The following ST18 variants were observed in gnomAD, a reference collection of about 807,000 sequenced individuals.
The protein encoded by ST18 is ST18 C2H2C-type zinc finger transcription factor.
In ST18, 50 loss-of-function variants were observed where a neutral mutation model predicts 110.0. The ratio of observed to expected loss-of-function variants is 0.45; its 90% CI spans 0.36 to 0.58. The LOEUF (loss-of-function observed/expected upper bound fraction) is 0.58. Among genes scored for constraint, ST18 ranks in the 20% least tolerant of loss-of-function variants. ST18 has a pLI of 0.00. For missense variants in ST18, 1,306 were observed against 1,280.1 expected (o/e 1.02, Z -0.31); for synonymous variants, 461 against 452.4 (o/e 1.02, Z -0.24).
intron 2 of ST18, among the ~76,000 whole-genome samples, chr8:52,399,538 AT>A (rs1842237577): frequency 7.3e-6 from 1 of 137,202 alleles, no homozygotes; most frequent in South Asian, 2.3e-4. Flanking sequence ...TTTATTTGGG[AT>A]CTTTCTTCTT....
Position 52,171,901 on chromosome 8 carries a change from G to T in ST18, c.960C>A (p.Phe320Leu). Residue 320 changes from phenylalanine to leucine, a missense_variant, in exon 10 of 26, where the codon TTC (phenylalanine) becomes TTA (leucine). Physicochemically the swap from Phe to Leu is conservative, Grantham distance 22. Transcript: ENST00000689386. ...TATCCAGCTCTTTGTAGGTGTTATG[G>T]AAAACACAACCTCGCTCAGCCTGCA... Reference protein sequence around the residue: ...IALQAERGCVFHNTYKELDRF... With the variant: ...IALQAERGCVLHNTYKELDRF... 6.2e-7 allele frequency: 1 copy of T among 1,614,168 alleles called. No individual in the cohort carries two copies. The highest frequency in any genetic ancestry group is 8.5e-7 in the Non-Finnish European group (1 of 1,180,034).
chr8:52,368,941 AC>A (rs973654908), intron 2 of ST18, among the ~76,000 whole-genome samples: 1 of 152,126 alleles, frequency 6.6e-6, no homozygotes, highest in African/African-American at 2.4e-5. Flanking sequence ...TCCTCCTCTT[AC>A]ATCCTGTTCC....
intron 9 of ST18, among the ~76,000 whole-genome samples, chr8:52,178,525 G>C (rs769307679): frequency 5.5e-5 from 8 of 144,716 alleles, no homozygotes; most frequent in Non-Finnish European, 9.0e-5. Flanking sequence ...GCTGAGGCAG[G>C]AGAATTGCTT....
At chr8:52,177,803 C>T (rs1480124812) in intron 9 of ST18, among the ~76,000 whole-genome samples, 6 of 152,176 alleles carry the variant, frequency 3.9e-5, no homozygotes, top group East Asian at 1.9e-4. Flanking sequence ...TTACCTTCAG[C>T]GTCAAATCTC....
chr8:52,129,871 C>A (rs2048530353), intron 22 of ST18, among the ~76,000 whole-genome samples: 1 of 151,946 alleles, frequency 6.6e-6, no homozygotes, highest in Admixed American at 6.6e-5. Context: ...ATGGCAAAAC[C>A]CTGTCTCTAC....
chr8:52,165,661 C>T (rs891378611), intron 11 of ST18, among the ~76,000 whole-genome samples: 4 of 152,278 alleles, frequency 2.6e-5, no homozygotes, highest in Middle Eastern at 3.4e-3. Flanking sequence ...TCCATCCACC[C>T]GCTACTCCCC....
chr8:52,159,048 G>A lies in ST18; in HGVS notation c.1656C>T (p.Thr552=), dbSNP rs775590422. Residue 552 remains threonine (T), a synonymous_variant, in exon 15 of 26, where the codon ACC becomes ACT. Coordinates refer to ENST00000689386, the MANE Select transcript of ST18 (RefSeq NM_001352837.2). The part of the protein sequence containing the change: ...PNRLPSAGAH[T]QSPGRASSYS... ...AAGAGCTGGCACGGCCAGGGCTCTG[G>A]GTGTGGGCGCCTGCACTAGGCAGTC... is the stretch of plus-strand genomic sequence containing the variant. 4.3e-6 allele frequency: 7 copies of A among 1,614,138 alleles called. No individual in the cohort carries two copies. In the South Asian group the frequency reaches 6.6e-5, roughly 15 times the overall value.
chr8:52,172,416 A>C lies in ST18; in HGVS notation c.445T>G (p.Leu149Val), dbSNP rs558281634. 7 of 1,614,032 alleles carry C rather than the reference A, an allele frequency of 4.3e-6. No homozygotes were observed. The East Asian group carries it at 1.3e-4, about 31-fold the overall frequency. ...AAAGACTGGATGCCACTGTCATTTA[A>C]ATTTTCACTTACAGTCTGAACAGAT... Reference protein sequence around the residue: ...NVSVQTVSENLNDSGIQSLKA... With the variant: ...NVSVQTVSENVNDSGIQSLKA... Residue 149 changes from leucine to valine, a missense_variant, in exon 10 of 26, where the codon TTA (leucine) becomes GTA (valine). By Grantham distance (32) the Leu-to-Val change is conservative. Transcript: ENST00000689386.
chr8:52,250,065 A>G (rs924701208), intron 2 of ST18, among the ~76,000 whole-genome samples: 6 of 151,906 alleles, frequency 3.9e-5, no homozygotes, highest in Admixed American at 1.3e-4. Context: ...TTTAACTCCT[A>G]TGAAAAATGA....
intron 8 of ST18, among the ~76,000 whole-genome samples, chr8:52,196,710 G>T (rs1014541474): frequency 1.3e-5 from 2 of 152,104 alleles, no homozygotes; most frequent in Non-Finnish European, 2.9e-5. Flanking sequence ...TTTATCATAG[G>T]TATGTATGTA....
intron 23 of ST18, among the ~76,000 whole-genome samples, chr8:52,118,965 T>C (rs2043585313): frequency 6.6e-6 from 1 of 152,120 alleles, no homozygotes; most frequent in South Asian, 2.1e-4. Context: ...AATTAGACCT[T>C]AGGACCCATG....
chr8:52,255,372 G>T (rs115576491), intron 2 of ST18, among the ~76,000 whole-genome samples: 4,679 of 152,192 alleles, frequency 0.031, 130 homozygotes, highest in Admixed American at 0.078. Flanking sequence ...AATGGAAAAG[G>T]CAGTCTATCC....
chr8:52,346,199 A>G (rs1438503846), intron 2 of ST18, among the ~76,000 whole-genome samples: 3 of 151,184 alleles, frequency 2.0e-5, no homozygotes, highest in African/African-American at 7.2e-5. Flanking sequence ...TTACACTTTA[A>G]GTTAAAAGTT....
At chr8:52,150,169 C>CTT (rs1248412347) in intron 15 of ST18, among the ~76,000 whole-genome samples, 192 bp from the exon 16 acceptor site, 1 of 152,008 alleles carries the variant, frequency 6.6e-6, no homozygotes, top group African/African-American at 2.4e-5. Context: ...CATTAGTGAG[C>CTT]TTTGTGTTTC....
chr8:52,196,966 C>A (rs1311189599), intron 8 of ST18, among the ~76,000 whole-genome samples: 1 of 152,196 alleles, frequency 6.6e-6, no homozygotes, highest in Non-Finnish European at 1.5e-5. Flanking sequence ...AAACAGTTAA[C>A]TTTGTCATAA....
Position 52,318,079 on chromosome 8 carries a change from T to C in ST18, c.-464-88002A>G, listed in dbSNP as rs1968347. 6.0e-3 allele frequency among the ~76,000 whole-genome samples: 917 copies of C among 152,080 alleles called. 7 individuals are homozygous for C. The highest frequency in any genetic ancestry group is 0.021 in the African/African-American group (869 of 41,486). ...TCTGCACAGCAAAAGAAACTATCAA[T>C]AGAGTAAATGCACAACCTACAGAAT... On this transcript the variant is annotated intron_variant, in intron 2 of 25. Transcript: ENST00000689386.
chr8:52,116,058 C>T (rs1369263568), intron 25 of ST18, among the ~76,000 whole-genome samples: 1 of 152,016 alleles, frequency 6.6e-6, no homozygotes, highest in Non-Finnish European at 1.5e-5. Context: ...TGACTTTGGC[C>T]TCTAAAAAAT....
rs183274205 is a variant in ST18, at chr8:52,147,260, A to T, written c.2052+2472T>A. On this transcript the variant is annotated intron_variant, in intron 16 of 25. Coordinates refer to ENST00000689386, the MANE Select transcript of ST18 (RefSeq NM_001352837.2). ...AGAAAAAAACAGACTCAAGTCTACC[A>T]AGATGAATCCAGATGATTTTTTGAA... 2.5e-4 allele frequency among the ~76,000 whole-genome samples: 38 copies of T among 152,374 alleles called. No individual in the cohort carries two copies. The East Asian group carries it at 6.4e-3, about 25-fold the overall frequency.
chr8:52,396,978 A>G (rs193124503), intron 2 of ST18, among the ~76,000 whole-genome samples: 1 of 152,312 alleles, frequency 6.6e-6, no homozygotes, highest in East Asian at 1.9e-4. Context: ...TTTTAAGTTC[A>G]TCTCCTTTGG....
Sources: gnomAD v4.1 joint callset for allele counts (sites outside exome capture counted in the v4.1 genomes callset) on GRCh38, gnomAD v4.1.1 for gene constraint, MANE v1.5 for transcripts, NCBI Gene and HGNC (gene_info 2026-07-23, HGNC 2026-07-21) for gene names.